Variants in LAMC1 observed in about 807,000 individuals in gnomAD.
LAMC1 encodes laminin subunit gamma-1.
LAMC1 carries 38 observed loss-of-function variants against 173.6 expected under a neutral mutation model. The ratio of observed to expected loss-of-function variants is 0.22; its 90% CI spans 0.17 to 0.29. The LOEUF is 0.29. Among genes scored for constraint, LAMC1 ranks in the 10% least tolerant of loss-of-function variants. LAMC1 has a pLI of 1.00. For missense variants in LAMC1, 1,824 were observed against 2,051.8 expected (o/e 0.89, Z 2.14); for synonymous variants, 746 against 749.1 (o/e 1.00, Z 0.07).
intron 1 of LAMC1, among the ~76,000 whole-genome samples, chr1:183,055,144 G>A (rs753286426): frequency 8.6e-5 from 13 of 151,608 alleles, no homozygotes; most frequent in Non-Finnish European, 1.2e-4. Flanking sequence ...GCCTGCCACC[G>A]CGCCTGGCTA....
chr1:183,104,272 C>A (rs2027076), intron 2 of LAMC1, among the ~76,000 whole-genome samples: 78,606 of 152,074 alleles, frequency 0.52, 21,004 homozygotes, highest in South Asian at 0.65. Flanking sequence ...TGATAGAAAC[C>A]TTTCCCTGTT....
At position 183,134,714 on chromosome 1, in the gene LAMC1, C is replaced by G. The variant is rs753988858; in HGVS notation, c.3904C>G (p.Gln1302Glu). Residue 1302 changes from glutamine (Q) to glutamate (E), a missense_variant, in exon 23 of 28, where the codon CAG becomes GAG. By Grantham distance (29) the Gln-to-Glu change is conservative. Coordinates refer to ENST00000258341, the MANE Select transcript of LAMC1 (RefSeq NM_002293.4). ...EAENLEQLID[Q>E]KLKDYEDLRE... ...TGAGAATCTGGAACAACTGATTGAC[C>G]AGAAATTAAAAGATTATGAGGACCT... The G allele has an allele frequency of 6.2e-7, 1 of 1,612,648 alleles. No homozygotes were observed. Among genetic ancestry groups the G allele is most frequent in the Admixed American group, 1.7e-5 (1 of 59,900 alleles).
intron 4 of LAMC1, among the ~76,000 whole-genome samples, chr1:183,112,940 T>G (rs980107374): frequency 2.0e-5 from 3 of 152,080 alleles, no homozygotes; most frequent in Non-Finnish European, 2.9e-5. Context: ...GTCCCAGCAC[T>G]TGGGAGGCCA....
intron 1 of LAMC1, among the ~76,000 whole-genome samples, chr1:183,046,022 T>C (rs1654257579): frequency 6.6e-6 from 1 of 152,148 alleles, no homozygotes; most frequent in Admixed American, 6.5e-5. Context: ...TGTGTTTTCC[T>C]TATCTTCCAG....
intron 1 of LAMC1, among the ~76,000 whole-genome samples, chr1:183,050,066 G>A (rs1164869197): frequency 6.6e-6 from 1 of 152,050 alleles, no homozygotes; most frequent in African/African-American, 2.4e-5. Context: ...TCTGCCAGTT[G>A]ACCTTTATCA....
rs370527490 is a variant in LAMC1 at position 183,046,605 on chromosome 1, T to G, written c.418+22471T>G. On this transcript the variant is annotated intron_variant, in intron 1 of 27. Coordinates refer to ENST00000258341, the MANE Select transcript of LAMC1 (RefSeq NM_002293.4). ...ATAATTTTTTCTGAATTACACTTTC[T>G]AACTCTTTTGTCACTGGTATATAAA... Among the ~76,000 whole-genome samples, 8 of 152,260 alleles carry G rather than the reference T, an allele frequency of 5.3e-5. No individual in the cohort carries two copies. The East Asian group carries it at 9.6e-4, about 18-fold the overall frequency.
chr1:183,088,794 A>C (rs763641693), intron 1 of LAMC1, among the ~76,000 whole-genome samples: 5 of 152,196 alleles, frequency 3.3e-5, no homozygotes, highest in Non-Finnish European at 4.4e-5. Flanking sequence ...TAGGGCTTGG[A>C]AGGGGTGAAG....
chr1:183,043,439 T>C (rs1186171455), intron 1 of LAMC1, among the ~76,000 whole-genome samples: 3 of 152,198 alleles, frequency 2.0e-5, no homozygotes, highest in African/African-American at 7.2e-5. Flanking sequence ...TTATATCACT[T>C]TTACAGATAG....
At chr1:183,125,247 A>T in intron 14 of LAMC1, 150 bp from the exon 15 acceptor site, 1 of 743,292 alleles carries the variant, frequency 1.3e-6, no homozygotes, top group Non-Finnish European at 2.3e-6. Flanking sequence ...ATTCAGACTC[A>T]CCAGCCACAT....
At position 183,023,823 on chromosome 1, in the gene LAMC1, C is replaced by A; in HGVS notation, c.107C>A (p.Ala36Asp). ...GCCGCGGCGGGCTGTGCCCAGGCAGCCATGGACGAGTGCACGGACGAGGGC... is the reference window on the plus strand; with the variant it reads ...GCCGCGGCGGGCTGTGCCCAGGCAGACATGGACGAGTGCACGGACGAGGGC... ...AAAAAGCAQA[A>D]MDECTDEGGR... is the part of the protein sequence containing the mutation. The change falls in exon 1 of 28, where the codon GCC becomes GAC. Residue 36 changes from alanine (A) to aspartate (D), a missense_variant. Ala to Asp is a moderately radical substitution (Grantham distance 126). Transcript: ENST00000258341. 1 of 1,584,696 alleles carries A rather than the reference C, an allele frequency of 6.3e-7. No homozygotes were observed. Among genetic ancestry groups the A allele is most frequent in the South Asian group, 1.2e-5 (1 of 86,012 alleles).
chr1:183,133,401 C>G lies in LAMC1; in HGVS notation c.3705-5C>G, dbSNP rs142750319. The G allele has an allele frequency of 7.2e-5, 116 of 1,611,034 alleles. No homozygotes were observed. In the East Asian group the frequency reaches 2.6e-3, roughly 36 times the overall value. On this transcript the variant is annotated splice_region_variant and splice_polypyrimidine_tract_variant and intron_variant, in intron 21 of 27. Coordinates refer to ENST00000258341, the MANE Select transcript of LAMC1 (RefSeq NM_002293.4). ...TGTCATTAAACCACATTATTTGTGT[C>G]TTAGGTATGAACAAGCGAAGAACAT... is the stretch of plus-strand genomic sequence containing the variant.
At chr1:183,140,266 G>GAAAAGAGAGGTTT in intron 26 of LAMC1, 138 bp from the exon 27 acceptor site, 1 of 77,508 alleles carries the variant, frequency 1.3e-5, no homozygotes, top group Non-Finnish European at 2.5e-5. Flanking sequence ...AAAAAAAAAA[G>GAAAAGAGAGGTTT]CAATGAGAGG....
intron 1 of LAMC1, among the ~76,000 whole-genome samples, chr1:183,044,427 C>T (rs1425363770): frequency 1.3e-5 from 2 of 152,086 alleles, no homozygotes; most frequent in Admixed American, 6.6e-5. Context: ...ATGCACCCAG[C>T]GTGGGAACCG....
At chr1:183,054,449 G>A (rs1488449090) in intron 1 of LAMC1, among the ~76,000 whole-genome samples, 5 of 152,132 alleles carry the variant, frequency 3.3e-5, no homozygotes, top group African/African-American at 1.2e-4. Context: ...TCTGGGGACT[G>A]GTATCACTTG....
At position 183,023,731 on chromosome 1, in the gene LAMC1, T is replaced by C; in HGVS notation, c.15T>C (p.His5=). MRGS[H]RAAPALRPRG... Reference sequence around the variant, plus strand: ...CGGGCGGCGGGATGAGAGGGAGCCATCGGGCCGCGCCGGCCCTGCGGCCCC... The same window carrying C: ...CGGGCGGCGGGATGAGAGGGAGCCACCGGGCCGCGCCGGCCCTGCGGCCCC... Residue 5 remains histidine, a synonymous_variant, in exon 1 of 28, where the codon CAT becomes CAC. Transcript: ENST00000258341. 8.4e-7 allele frequency: 1 copy of C among 1,186,758 alleles called. No homozygotes were observed. The highest frequency in any genetic ancestry group is 1.1e-6 in the Non-Finnish European group (1 of 951,924). The allele number at this position is 1,186,758 out of a possible 1,614,324, so 73.5% of individuals were successfully genotyped here. A position where few individuals can be genotyped will look rare whatever the true frequency, so the allele number is the denominator to read the frequency against.
chr1:183,101,784 C>T (rs1655840572), intron 1 of LAMC1, among the ~76,000 whole-genome samples: 2 of 152,070 alleles, frequency 1.3e-5, no homozygotes, highest in South Asian at 2.1e-4. Flanking sequence ...TTCTGTTATG[C>T]CACATGGCTT....
At chr1:183,116,013 C>T (rs1656308200) in intron 6 of LAMC1, among the ~76,000 whole-genome samples, 1 of 151,952 alleles carries the variant, frequency 6.6e-6, no homozygotes, top group Non-Finnish European at 1.5e-5. Flanking sequence ...AGCAGTAGTC[C>T]CAGCTACTCG....
Position 183,122,712 on chromosome 1 carries a change from C to T in LAMC1, c.2401+461C>T, listed in dbSNP as rs951064353. Among the ~76,000 whole-genome samples, 3 of 152,122 alleles carry T rather than the reference C, an allele frequency of 2.0e-5. No individual in the cohort carries two copies. In the East Asian group the frequency reaches 5.8e-4, roughly 29 times the overall value. On this transcript the variant is annotated intron_variant, in intron 13 of 27. Coordinates refer to ENST00000258341, the MANE Select transcript of LAMC1 (RefSeq NM_002293.4). The stretch of plus-strand genomic sequence containing the variant: ...TACATCAAATGTCAGGCTCCATTTG[C>T]ATTCAGACAGCAGAAAGCACATATG...
At chr1:183,105,385 G>T (rs149667621) in intron 2 of LAMC1, among the ~76,000 whole-genome samples, 52 of 152,108 alleles carry the variant, frequency 3.4e-4, no homozygotes, top group African/African-American at 1.1e-3. Flanking sequence ...GCATTTTCCT[G>T]TCCTGATGAG....
Sources: allele counts gnomAD v4.1 joint callset (sites outside exome capture counted in the v4.1 genomes callset), GRCh38; gene constraint gnomAD v4.1.1; transcripts MANE v1.5; gene names NCBI Gene and HGNC (gene_info 2026-07-23, HGNC 2026-07-21).